The following N4BP2 variants were observed in gnomAD, a reference collection of about 807,000 sequenced individuals.
N4BP2 encodes NEDD4-binding protein 2.
N4BP2 carries 91 observed loss-of-function variants against 152.8 expected under a neutral mutation model. The ratio of observed to expected loss-of-function variants is 0.60; its 90% confidence interval spans 0.50 to 0.71. The LOEUF (loss-of-function observed/expected upper bound fraction) is 0.71, where lower values mean the gene tolerates loss of function less well. Among genes scored for constraint, N4BP2 ranks in the 30% least tolerant of loss-of-function variants. N4BP2 has a pLI of 0.00. For missense variants in N4BP2, 1,923 were observed against 2,059.1 expected, an observed-to-expected ratio of 0.93 and a Z score of 1.28; for synonymous variants, 646 against 705.3, an observed-to-expected ratio of 0.92 and a Z score of 1.33.
At chr4:40,077,614 C>T (rs1009418459) in intron 2 of N4BP2, among the ~76,000 whole-genome samples, 1 of 151,948 alleles carries the variant, frequency 6.6e-6, no homozygotes, top group African/African-American at 2.4e-5. Context: ...CCACCACACT[C>T]GACTAATTTT....
At chr4:40,096,652 T>C (rs761514316) in intron 2 of N4BP2, among the ~76,000 whole-genome samples, 9 of 152,168 alleles carry the variant, frequency 5.9e-5, no homozygotes, top group Non-Finnish European at 1.0e-4. Context: ...AGGAGACTTA[T>C]AGTAATTCAG....
intron 12 of N4BP2, among the ~76,000 whole-genome samples, chr4:40,131,049 A>G (rs63034660): frequency 6.6e-6 from 1 of 151,902 alleles, no homozygotes. Flanking sequence ...AAAAAAAAAA[A>G]TTGTGAATTC....
Position 40,102,526 on chromosome 4 carries a change from T to C in N4BP2, c.681T>C (p.Phe227=). ...CAGTTTTGAACGAGTCCAAGTGTTT[T>C]ATAAAGGATAACACATTGGCTTTGG... ...SHSVLNESKC[F]IKDNTLALES... Residue 227 remains phenylalanine, a synonymous_variant, in exon 4 of 18, where the codon TTT becomes TTC. Coordinates refer to ENST00000261435, the MANE Select transcript of N4BP2 (RefSeq NM_018177.6). The C allele has an allele frequency of 6.2e-7, 1 of 1,614,226 alleles. No individual in the cohort carries two copies. Among genetic ancestry groups the C allele is most frequent in the Non-Finnish European group, 8.5e-7 (1 of 1,180,034 alleles).
intron 1 of N4BP2, among the ~76,000 whole-genome samples, chr4:40,062,753 C>A (rs1038134808): frequency 3.9e-5 from 6 of 152,042 alleles, no homozygotes; most frequent in African/African-American, 1.4e-4. Context: ...GAATACCTTT[C>A]CTAGTTTGTT....
chr4:40,123,119 C>G lies in N4BP2; in HGVS notation c.4199-8C>G, dbSNP rs1286633664. ...TTACATTTTCTTCCCTCCCCCTTCC[C>G]CCACAAGGGTCTCTAACAGTTGAAG... On this transcript the variant is annotated splice_region_variant and splice_polypyrimidine_tract_variant and intron_variant, in intron 9 of 17. Coordinates refer to ENST00000261435, the MANE Select transcript of N4BP2 (RefSeq NM_018177.6). The G allele has an allele frequency of 6.3e-7, 1 of 1,579,884 alleles. No individual in the cohort carries two copies.
chr4:40,182,618 AT>A, the N4BP2 span, among the ~76,000 whole-genome samples: 14 of 148,802 alleles, frequency 9.4e-5, no homozygotes, highest in South Asian at 4.3e-4. Context: ...CCGGGCTAAA[AT>A]TTTTTTTTTG....
At chr4:40,152,251 C>T (rs1428009068) in intron 16 of N4BP2, among the ~76,000 whole-genome samples, 2 of 152,198 alleles carry the variant, frequency 1.3e-5, no homozygotes, top group East Asian at 3.9e-4. Flanking sequence ...ATCCCTTTTT[C>T]CTGATGAGAA....
intron 2 of N4BP2, among the ~76,000 whole-genome samples, chr4:40,075,915 C>T (rs187398270): frequency 2.0e-5 from 3 of 152,292 alleles, no homozygotes; most frequent in African/African-American, 7.2e-5. Flanking sequence ...CAGCCTTGGC[C>T]TCTCAGGCCC....
At position 40,056,908 on chromosome 4, in the gene N4BP2, G is replaced by C. The variant is rs1372182964; in HGVS notation, c.-334G>C. 1 of 152,110 alleles carries C rather than the reference G, an allele frequency of 6.6e-6. No individual in the cohort carries two copies. The highest frequency in any genetic ancestry group is 6.5e-5 in the Admixed American group (1 of 15,278). The allele number at this position is 152,110 out of a possible 1,614,324, so 9.4% of individuals were successfully genotyped here. ...CCCCCGCGGCCGCAGCTGCTTGCTA[G>C]CCTTGCGCGGCGCGGGAGAGCGCAG... On this transcript the variant is annotated 5_prime_UTR_variant, in exon 1 of 18. Transcript: ENST00000261435.
chr4:40,126,601 TTTC>T (rs1718433110), intron 12 of N4BP2, among the ~76,000 whole-genome samples: 1 of 152,146 alleles, frequency 6.6e-6, no homozygotes, highest in Non-Finnish European at 1.5e-5. Context: ...CATCTTTCTT[TTTC>T]TTTACCTTTT....
Position 40,156,429 on chromosome 4 carries a change from C to T in N4BP2, c.*2192C>T, listed in dbSNP as rs1044596651. 1.3e-5 allele frequency: 2 copies of T among 152,114 alleles called. No individual in the cohort carries two copies. Among genetic ancestry groups the T allele is most frequent in the Non-Finnish European group, 2.9e-5 (2 of 67,998 alleles). 9.4% of individuals were successfully genotyped at this position (152,114 alleles called of 1,614,324 possible). On this transcript the variant is annotated 3_prime_UTR_variant, in exon 18 of 18. Coordinates refer to ENST00000261435, the MANE Select transcript of N4BP2 (RefSeq NM_018177.6). The stretch of plus-strand genomic sequence containing the variant: ...GATAAATCAAATAGTATATCTTAAT[C>T]ATTGTTGATAAATATACAGGCAAAG...
chr4:40,117,573 A>T (rs1717459515), intron 7 of N4BP2, among the ~76,000 whole-genome samples: 1 of 152,218 alleles, frequency 6.6e-6, no homozygotes, highest in Admixed American at 6.5e-5. Flanking sequence ...ATAATAAAAA[A>T]CATTTTTGAA....
Position 40,102,762 on chromosome 4 carries a change from G to C in N4BP2, c.917G>C (p.Gly306Ala), listed in dbSNP as rs755901784. ...NLPGLDLPGT[G>A]GDQKSTRVSD... ...CCAGGGCTTGATTTACCAGGTACAG[G>C]TGGGGATCAGAAATCTACTCGGGTC... Residue 306 changes from glycine (G) to alanine (A), a missense_variant, in exon 4 of 18, where the codon GGT becomes GCT. Coordinates refer to ENST00000261435, the MANE Select transcript of N4BP2 (RefSeq NM_018177.6). 1 of 1,614,152 alleles carries C rather than the reference G, an allele frequency of 6.2e-7. No homozygotes were observed. Among genetic ancestry groups the C allele is most frequent in the Admixed American group, 1.7e-5 (1 of 60,010 alleles).
At position 40,121,798 on chromosome 4, in the gene N4BP2, G is replaced by C. The variant is rs755937987; in HGVS notation, c.3687G>C (p.Lys1229Asn). Residue 1229 changes from lysine (K) to asparagine (N), a missense_variant, in exon 9 of 18, where the codon AAG (lysine) becomes AAC (asparagine). Transcript: ENST00000261435. ...TTCCCAGTGCTGCTGTGGGTCTAAA[G>C]AATAATAATGACATACTTCCTAACA... ...SIFPSAAVGL[K>N]NNNDILPNSQ... 2 of 1,613,998 alleles carry C rather than the reference G, an allele frequency of 1.2e-6. No individual in the cohort carries two copies. Among genetic ancestry groups the C allele is most frequent in the South Asian group, 1.1e-5 (1 of 91,078 alleles).
the N4BP2 span, among the ~76,000 whole-genome samples, chr4:40,181,245 T>G: frequency 6.6e-6 from 1 of 152,334 alleles, no homozygotes; most frequent in South Asian, 2.1e-4. Flanking sequence ...ACCATATTGC[T>G]AACCCACTGT....
Position 40,120,027 on chromosome 4 carries a change from A to G in N4BP2, c.1916A>G (p.Asp639Gly), listed in dbSNP as rs1352969629. 4 of 1,599,554 alleles carry G rather than the reference A, an allele frequency of 2.5e-6. No homozygotes were observed. The highest frequency in any genetic ancestry group is 2.6e-6 in the Non-Finnish European group (3 of 1,168,046). The change falls in exon 9 of 18, where the codon GAT becomes GGT. Residue 639 changes from aspartate to glycine, a missense_variant. By Grantham distance (94) the Asp-to-Gly change is moderately conservative. Transcript: ENST00000261435. ...GAGTTCACTGAAGAGAAGAATCTTG[A>G]TGTAACCAAAGAAACAATGTTACCT... Reference protein sequence around the residue: ...HLEFTEEKNLDVTKETMLPEN... With the variant: ...HLEFTEEKNLGVTKETMLPEN...
chr4:40,112,174 T>A lies in N4BP2; in HGVS notation c.1587+2T>A, dbSNP rs536705466. On this transcript the variant is annotated splice_donor_variant, in intron 6 of 17. Transcript: ENST00000261435. LOFTEE classifies it high-confidence loss of function. The stretch of plus-strand genomic sequence containing the variant: ...GAAATGAAACCATATGTTGCTTTGG[T>A]TAGTACCATAAGTTGTCATAAGTTT... 6.6e-7 allele frequency: 1 copy of A among 1,512,230 alleles called. No individual in the cohort carries two copies. The highest frequency in any genetic ancestry group is 1.2e-5 in the South Asian group (1 of 84,404). The allele number at this position is 1,512,230 out of a possible 1,614,324, so 93.7% of individuals were successfully genotyped here. A position where few individuals can be genotyped will look rare whatever the true frequency, so the allele number is the denominator to read the frequency against.
Position 40,121,871 on chromosome 4 carries a change from C to A in N4BP2, c.3760C>A (p.Leu1254Ile), listed in dbSNP as rs1717956263. The change falls in exon 9 of 18, where the codon CTA becomes ATA. Residue 1254 changes from leucine to isoleucine, a missense_variant. Transcript: ENST00000261435. The stretch of plus-strand genomic sequence containing the variant: ...CAGTAAGCAGTCCTTTCCAGGTATT[C>A]TAAAAGCTACTACTCCTAAAGATAT... ...YSSKQSFPGI[L>I]KATTPKDMSE... 1 of 1,612,876 alleles carries A rather than the reference C, an allele frequency of 6.2e-7. No homozygotes were observed.
downstream of N4BP2, among the ~76,000 whole-genome samples, chr4:40,161,711 C>A (rs1721865437): frequency 2.6e-5 from 4 of 152,126 alleles, no homozygotes; most frequent in Admixed American, 2.0e-4. Context: ...AACAAGATTG[C>A]CCATAAGTTG....
Sources: allele counts gnomAD v4.1 joint callset (sites outside exome capture counted in the v4.1 genomes callset), GRCh38; gene constraint gnomAD v4.1.1; transcripts MANE v1.5; gene names NCBI Gene and HGNC (gene_info 2026-07-23, HGNC 2026-07-21).